Variants in HECTD4 observed in about 807,000 individuals in gnomAD.
HECTD4 encodes HECT domain E3 ubiquitin protein ligase 4.
A neutral mutation model predicts 471.5 loss-of-function variants in HECTD4; 114 were observed. That is an observed-to-expected ratio of 0.24 (90% CI 0.21 to 0.28). The LOEUF is 0.28. Ranked by LOEUF, HECTD4 falls within the 10% of genes least tolerant of loss-of-function variation. HECTD4 has a pLI of 1.00. For synonymous variants in HECTD4, 2,012 were observed against 2,256.0 expected (o/e 0.89, Z 3.07); for missense variants, 3,866 against 5,651.5 (o/e 0.68, Z 10.13).
In HECTD4 at chr12:112,235,053, A is replaced by G. The variant is rs1297646511; in HGVS notation, c.5915+24T>C. Reference sequence around the variant, plus strand: ...ACATGGGTGGTGCTTGAGGATGTGTAGCTATCACAATCATTATGGTCACCT... The same window carrying G: ...ACATGGGTGGTGCTTGAGGATGTGTGGCTATCACAATCATTATGGTCACCT... On this transcript the variant is annotated intron_variant, in intron 37 of 75. Coordinates refer to ENST00000682272, the MANE Select transcript of HECTD4 (RefSeq NM_001388303.1). This position sits in a 1 kb window ranked among gnomAD's most constrained non-coding sequence, Gnocchi z 5.0. 6.5e-7 allele frequency: 1 copy of G among 1,548,848 alleles called. No individual in the cohort carries two copies.
rs1204112161 is a variant in HECTD4 at position 112,163,724 on chromosome 12, C to T, written c.12715G>A (p.Asp4239Asn). The T allele has an allele frequency of 2.0e-6, 3 of 1,477,502 alleles. No homozygotes were observed. Among genetic ancestry groups the T allele is most frequent in the Non-Finnish European group, 2.7e-6 (3 of 1,111,402 alleles). 91.5% of individuals were successfully genotyped at this position (1,477,502 alleles called of 1,614,324 possible). A position where few individuals can be genotyped will look rare whatever the true frequency, so the allele number is the denominator to read the frequency against. Reference sequence around the variant, plus strand: ...CTCCGGATGGCTGCCGCGTAGATGTCCTTGTTCTCCCACCTGCCCGGGTGA... The same window carrying T: ...CTCCGGATGGCTGCCGCGTAGATGTTCTTGTTCTCCCACCTGCCCGGGTGA... ...RHILVAWENK[D>N]IYAAAIRSLR... Residue 4239 changes from aspartate (D) to asparagine (N), a missense_variant, in exon 74 of 76, where the codon GAC (aspartate) becomes AAC (asparagine). Asp to Asn is a conservative substitution (Grantham distance 23). Coordinates refer to ENST00000682272, the MANE Select transcript of HECTD4 (RefSeq NM_001388303.1). The surrounding 1 kb of genome is among the most constrained non-coding windows in gnomAD (Gnocchi z 8.2).
intron 23 of HECTD4, among the ~76,000 whole-genome samples, chr12:112,251,678 A>C (rs1176775630): frequency 6.6e-6 from 1 of 152,254 alleles, no homozygotes; most frequent in Non-Finnish European, 1.5e-5. Context: ...TAGCTTGGTT[A>C]AGCTTAAGAA....
rs1461557910 is a variant in HECTD4 at position 112,326,677 on chromosome 12, C to G, written c.178-6935G>C. 5.9e-5 allele frequency among the ~76,000 whole-genome samples: 9 copies of G among 152,170 alleles called. No homozygotes were observed. The East Asian group carries it at 1.5e-3, about 26-fold the overall frequency. On this transcript the variant is annotated intron_variant, in intron 1 of 75. Coordinates refer to ENST00000682272, the MANE Select transcript of HECTD4 (RefSeq NM_001388303.1). ...AGGAGTGAGGATAGGCATATAGACG[C>G]TTTTGAAGTTGTAGAGAATATTATA... is the stretch of plus-strand genomic sequence containing the variant.
intron 1 of HECTD4, chr12:112,322,107 TAAA>T (rs60268533): frequency 5.8e-5 from 7 of 121,310 alleles, no homozygotes; most frequent in African/African-American, 1.1e-4. Context: ...CCTTGTCTGC[TAAA>T]AAAAAAAAAA....
intron 39 of HECTD4, 124 bp downstream of exon 39, chr12:112,231,389 A>G: frequency 5.9e-6 from 5 of 850,250 alleles, no homozygotes; most frequent in Non-Finnish European, 7.7e-6. Context: ...CAACTACTAC[A>G]GCAGATGGCG....
At position 112,184,298 on chromosome 12, in the gene HECTD4, C is replaced by G. The variant is rs555789064; in HGVS notation, c.10668G>C (p.Leu3556=). 6.2e-7 allele frequency: 1 copy of G among 1,613,562 alleles called. No homozygotes were observed. The highest frequency in any genetic ancestry group is 1.7e-5 in the Admixed American group (1 of 60,026). ...LGSLGSLGEP[L]DNAETASVSD... ...ACACCGAGGCCGTCTCTGCATTGTC[C>G]AGGGGCTCCCCCAGGCTGCCCAGGC... The change falls in exon 61 of 76, where the codon CTG becomes CTC. Residue 3556 remains leucine, a synonymous_variant. Transcript: ENST00000682272. This position sits in a 1 kb window ranked among gnomAD's most constrained non-coding sequence, Gnocchi z 9.1.
intron 1 of HECTD4, among the ~76,000 whole-genome samples, chr12:112,377,818 C>T (rs61941338): frequency 0.03 from 4,606 of 151,732 alleles, 94 homozygotes; most frequent in South Asian, 0.066. Context: ...TGCAGTGAGC[C>T]GAGATCGCAT....
intron 60 of HECTD4, among the ~76,000 whole-genome samples, chr12:112,190,585 C>A (rs1046678752): frequency 6.6e-6 from 1 of 152,148 alleles, no homozygotes; most frequent in Non-Finnish European, 1.5e-5. Context: ...AAATACCCAG[C>A]AAATCATGGA....
chr12:112,239,055 CCT>C lies in HECTD4; in HGVS notation c.5285_5286del (p.Glu1762GlyfsTer22). On this transcript the variant is annotated frameshift_variant, in exon 34 of 76. Transcript: ENST00000682272. LOFTEE classifies it high-confidence loss of function. This position sits in a 1 kb window ranked among gnomAD's most constrained non-coding sequence, Gnocchi z 4.9. Reference sequence around the variant, plus strand: ...AGAAAGGAGTCTGGCATCTCACCTTCCTCTTTTTCCCACTCAACACAGCGGTT... The same window carrying C: ...AGAAAGGAGTCTGGCATCTCACCTTCCTTTTTCCCACTCAACACAGCGGTT... Reference protein sequence around the residue: ...LANRCVEWEKEEGGSTEAVHS... With the variant: ...LANRCVEWEKXEGGSTEAVHS... The C allele has an allele frequency of 6.2e-7, 1 of 1,609,744 alleles. No individual in the cohort carries two copies. The highest frequency in any genetic ancestry group is 8.5e-7 in the Non-Finnish European group (1 of 1,177,954).
intron 70 of HECTD4, among the ~76,000 whole-genome samples, chr12:112,168,994 C>G (rs1057410151): frequency 6.6e-6 from 1 of 152,226 alleles, no homozygotes; most frequent in African/African-American, 2.4e-5. Context: ...CCTGCCCGGA[C>G]AGCCTTTCCT....
At chr12:112,375,950 C>T (rs1594086635) in intron 1 of HECTD4, among the ~76,000 whole-genome samples, 1 of 151,338 alleles carries the variant, frequency 6.6e-6, no homozygotes, top group East Asian at 2.0e-4. Context: ...GTGAGGGTCG[C>T]TTGTAATCCC....
rs757091125 is a variant in HECTD4, at chr12:112,228,828, A to AT, written c.6520-18dup. The AT allele has an allele frequency of 6.2e-7, 1 of 1,612,340 alleles. No individual in the cohort carries two copies. Among genetic ancestry groups the AT allele is most frequent in the East Asian group, 2.2e-5 (1 of 44,860 alleles). On this transcript the variant is annotated splice_polypyrimidine_tract_variant and intron_variant, in intron 41 of 75. Transcript: ENST00000682272. The surrounding 1 kb of genome is among the most constrained non-coding windows in gnomAD (Gnocchi z 4.9). ...ACCTAAAACCTGGAGACAGACATAG[A>AT]TTAGCACTACCAACCAGCTCTGACG...
intron 5 of HECTD4, 116 bp downstream of exon 5, chr12:112,309,445 T>C (rs2035331340): frequency 1.9e-6 from 1 of 539,014 alleles, no homozygotes. Flanking sequence ...TTCAGACTTG[T>C]TATTTAGTTA....
rs999172319 is a variant in HECTD4 at position 112,246,881 on chromosome 12, G to T, written c.4513+20C>A. 1.9e-6 allele frequency: 3 copies of T among 1,601,884 alleles called. No homozygotes were observed. In the East Asian group the frequency reaches 6.7e-5, roughly 36 times the overall value. On this transcript the variant is annotated intron_variant, in intron 29 of 75. Transcript: ENST00000682272. ...TGTTCATATAACAGAAGCCGATTAG[G>T]GGCTATCTTTGAGCAGTACCTGGTG...
chr12:112,358,787 C>T (rs1472309367), intron 1 of HECTD4, among the ~76,000 whole-genome samples: 2 of 152,258 alleles, frequency 1.3e-5, no homozygotes, highest in East Asian at 1.9e-4. Context: ...AGACAGAGAT[C>T]CAAAGCTACA....
Position 112,162,999 on chromosome 12 carries a change from C to A in HECTD4, c.13120+43G>T. The stretch of plus-strand genomic sequence containing the variant: ...AGCCCCAGTTCCAAACAGAGAAAGG[C>A]TAGTGTGTCCCTACTTGGGACATGG... On this transcript the variant is annotated intron_variant, in intron 75 of 75. Transcript: ENST00000682272. This position sits in a 1 kb window ranked among gnomAD's most constrained non-coding sequence, Gnocchi z 5.2. 6.9e-7 allele frequency: 1 copy of A among 1,443,542 alleles called. No individual in the cohort carries two copies. Among genetic ancestry groups the A allele is most frequent in the South Asian group, 1.2e-5 (1 of 80,364 alleles). The allele number at this position is 1,443,542 out of a possible 1,614,324, so 89.4% of individuals were successfully genotyped here.
intron 64 of HECTD4, among the ~76,000 whole-genome samples, chr12:112,177,670 G>A (rs549014335): frequency 2.3e-3 from 353 of 152,290 alleles, no homozygotes; most frequent in Non-Finnish European, 3.6e-3. Context: ...GTGAGCCACC[G>A]CGCCCGGCCT....
Position 112,179,504 on chromosome 12 carries a change from C to T in HECTD4, c.10988-107G>A. ...CTGTTTGAAAGGGGCAGTGGATGGA[C>T]ATTAGTGGAAGGAAGAGCTGCCCAC... On this transcript the variant is annotated intron_variant, in intron 62 of 75. Transcript: ENST00000682272. This position sits in a 1 kb window ranked among gnomAD's most constrained non-coding sequence, Gnocchi z 4.3. 1 of 994,840 alleles carries T rather than the reference C, an allele frequency of 1.0e-6. No individual in the cohort carries two copies. Among genetic ancestry groups the T allele is most frequent in the Non-Finnish European group, 1.5e-6 (1 of 659,964 alleles). The allele number at this position is 994,840 out of a possible 1,614,324, so 61.6% of individuals were successfully genotyped here. A position where few individuals can be genotyped will look rare whatever the true frequency, so the allele number is the denominator to read the frequency against.
At position 112,169,933 on chromosome 12, in the gene HECTD4, C is replaced by T. The variant is rs796517154; in HGVS notation, c.12053-275G>A. 6 of 573,268 alleles carry T rather than the reference C, an allele frequency of 1.0e-5. No individual in the cohort carries two copies. The African/African-American group carries it at 1.1e-4, about 11-fold the overall frequency. The allele number at this position is 573,268 out of a possible 1,614,324, so 35.5% of individuals were successfully genotyped here. A position where few individuals can be genotyped will look rare whatever the true frequency, so the allele number is the denominator to read the frequency against. On this transcript the variant is annotated intron_variant, in intron 69 of 75. Transcript: ENST00000682272. ...TCCCTCTGCCTCTTGGGGAGGTCCT[C>T]GCCCCCCAACTCCTCTCTCGTTTCC...
Sources: allele counts gnomAD v4.1 joint callset (sites outside exome capture counted in the v4.1 genomes callset), GRCh38; gene constraint gnomAD v4.1.1; non-coding constraint Gnocchi (gnomAD v3.1); transcripts MANE v1.5; gene names NCBI Gene and HGNC (gene_info 2026-07-23, HGNC 2026-07-21).